Variants in FGGY observed in about 807,000 individuals in gnomAD.
FGGY encodes FGGY carbohydrate kinase domain-containing protein.
FGGY carries 72 observed loss-of-function variants against 71.3 expected under a neutral mutation model. The observed-to-expected ratio is 1.01, with a 90% CI of 0.84 to 1.23. The LOEUF (loss-of-function observed/expected upper bound fraction) is 1.23, where lower values mean the gene tolerates loss of function less well. FGGY is among the 50% of genes most tolerant of loss of function. FGGY has a pLI of 0.00. For missense variants in FGGY, 668 were observed against 682.3 expected, an observed-to-expected ratio of 0.98 and a Z score of 0.23; for synonymous variants, 251 against 250.3, an observed-to-expected ratio of 1.00 and a Z score of -0.02.
intron 2 of FGGY, among the ~76,000 whole-genome samples, chr1:59,338,813 C>A (rs959715433): frequency 6.6e-6 from 1 of 152,234 alleles, no homozygotes; most frequent in Non-Finnish European, 1.5e-5. Context: ...CTTACTTTTG[C>A]TAATAAGATA....
chr1:59,309,680 A>G (rs2153091277), intron 1 of FGGY, among the ~76,000 whole-genome samples: 1 of 152,296 alleles, frequency 6.6e-6, no homozygotes, highest in South Asian at 2.1e-4. Flanking sequence ...TCGGCCTTAA[A>G]GCTACCAGAC....
intron 5 of FGGY, among the ~76,000 whole-genome samples, chr1:59,399,790 G>A (rs1471064407): frequency 2.0e-5 from 3 of 152,146 alleles, no homozygotes; most frequent in Non-Finnish European, 2.9e-5. Flanking sequence ...GAGAACTTCA[G>A]AATCACACTT....
At chr1:59,584,832 C>A (rs1377590633) in intron 8 of FGGY, among the ~76,000 whole-genome samples, 1 of 150,122 alleles carries the variant, frequency 6.7e-6, no homozygotes, top group Non-Finnish European at 1.5e-5. Flanking sequence ...TTTCAGGATA[C>A]AAAATCAATG....
rs11437779 is a variant in FGGY at position 59,750,907 on chromosome 1, T to TAA, written c.1513-7013_1513-7012dup. 9.1e-3 allele frequency among the ~76,000 whole-genome samples: 1,326 copies of TAA among 146,408 alleles called. 18 individuals are homozygous for TAA. Among genetic ancestry groups the TAA allele is most frequent in the East Asian group, 0.041 (204 of 5,004 alleles). On this transcript the variant is annotated intron_variant, in intron 14 of 15. Transcript: ENST00000303721. ...TTTTAGAGCTATGTGTCAGCATCTG[T>TAA]AAAAAAAAAAAAGGTACAGTGTCCT...
At chr1:59,652,721 A>G (rs1194200155) in intron 11 of FGGY, among the ~76,000 whole-genome samples, 1 of 150,064 alleles carries the variant, frequency 6.7e-6, no homozygotes, top group East Asian at 2.0e-4. Context: ...GCTCAGAGTA[A>G]TTTGATCATC....
rs111528275 is a variant in FGGY at position 59,311,489 on chromosome 1, G to A, written c.-14-10047G>A. On this transcript the variant is annotated intron_variant, in intron 1 of 15. Transcript: ENST00000303721. ...CTCCCACTTATGAGTGAGAACATGC[G>A]GTGTTTGGTTTTCTGTTCCTGTGTT... is the stretch of plus-strand genomic sequence containing the variant. 2.2e-3 allele frequency among the ~76,000 whole-genome samples: 333 copies of A among 151,994 alleles called. 1 individual carries two copies. Among genetic ancestry groups the A allele is most frequent in the African/African-American group, 7.7e-3 (321 of 41,434 alleles).
At chr1:59,643,376 G>C (rs2097057519) in intron 11 of FGGY, among the ~76,000 whole-genome samples, 2 of 151,998 alleles carry the variant, frequency 1.3e-5, no homozygotes, top group Non-Finnish European at 2.9e-5. Context: ...ATATTTTTTT[G>C]TAGAGATGGG....
chr1:59,481,229 C>G (rs904839749), intron 6 of FGGY, among the ~76,000 whole-genome samples: 2 of 152,168 alleles, frequency 1.3e-5, no homozygotes, highest in Admixed American at 1.3e-4. Context: ...TTTGCCTTTT[C>G]TTTCCCCTAT....
intron 8 of FGGY, among the ~76,000 whole-genome samples, chr1:59,590,270 A>G (rs571302787): frequency 6.6e-6 from 1 of 152,224 alleles, no homozygotes; most frequent in African/African-American, 2.4e-5. Flanking sequence ...GAACAATAAC[A>G]GGATCTGAAA....
At chr1:59,606,353 T>C (rs987364671) in intron 8 of FGGY, among the ~76,000 whole-genome samples, 1 of 152,090 alleles carries the variant, frequency 6.6e-6, no homozygotes, top group Non-Finnish European at 1.5e-5. Context: ...AAAAGTAAAA[T>C]GAGAACAAGT....
chr1:59,723,562 T>TGG (rs1558911250), intron 14 of FGGY, among the ~76,000 whole-genome samples: 22 of 133,618 alleles, frequency 1.6e-4, no homozygotes, highest in African/African-American at 6.3e-4. Flanking sequence ...TTGTTTTTTT[T>TGG]TGGGGGGGGG....
At chr1:59,695,389 C>T (rs1457129164) in intron 14 of FGGY, among the ~76,000 whole-genome samples, 1 of 152,164 alleles carries the variant, frequency 6.6e-6, no homozygotes, top group Non-Finnish European at 1.5e-5. Flanking sequence ...GGAGGAGTTA[C>T]AGCTGTAGGA....
chr1:59,549,137 T>G (rs2095569794), intron 7 of FGGY, among the ~76,000 whole-genome samples: 1 of 152,188 alleles, frequency 6.6e-6, no homozygotes, highest in African/African-American at 2.4e-5. Flanking sequence ...ATTCTTATCC[T>G]TCCAGAAGCA....
chr1:59,408,190 G>A (rs1448726399), intron 5 of FGGY, among the ~76,000 whole-genome samples: 1 of 152,192 alleles, frequency 6.6e-6, no homozygotes, highest in Non-Finnish European at 1.5e-5. Flanking sequence ...ATTTATGTTT[G>A]TTGTGCTGGA....
At chr1:59,432,042 A>T (rs2067474915) in intron 5 of FGGY, among the ~76,000 whole-genome samples, 1 of 152,108 alleles carries the variant, frequency 6.6e-6, no homozygotes, top group Non-Finnish European at 1.5e-5. Flanking sequence ...CCCCACATCC[A>T]CCCAATCCAC....
intron 2 of FGGY, among the ~76,000 whole-genome samples, chr1:59,327,326 A>G (rs1018056285): frequency 6.6e-6 from 1 of 152,178 alleles, no homozygotes; most frequent in Admixed American, 6.5e-5. Flanking sequence ...AACATTGTTC[A>G]TATCATCTTT....
At chr1:59,682,298 T>C (rs1237230687) in intron 14 of FGGY, among the ~76,000 whole-genome samples, 1 of 151,914 alleles carries the variant, frequency 6.6e-6, no homozygotes, top group Non-Finnish European at 1.5e-5. Context: ...GTGATTACCA[T>C]TACTTTAAAA....
chr1:59,350,875 T>A (rs1252630149), intron 4 of FGGY, among the ~76,000 whole-genome samples: 1 of 152,224 alleles, frequency 6.6e-6, no homozygotes, highest in Non-Finnish European at 1.5e-5. Context: ...TCACTGTTTG[T>A]CTTTTACATC....
At chr1:59,734,434 G>A (rs1223339342) in intron 14 of FGGY, among the ~76,000 whole-genome samples, 1 of 152,074 alleles carries the variant, frequency 6.6e-6, no homozygotes. Flanking sequence ...AGAACTCCTG[G>A]CTCAAGCAAT....
Sources: gnomAD v4.1 joint callset for allele counts (sites outside exome capture counted in the v4.1 genomes callset) on GRCh38, gnomAD v4.1.1 for gene constraint, MANE v1.5 for transcripts, NCBI Gene and HGNC (gene_info 2026-07-23, HGNC 2026-07-21) for gene names.